The following CBLL1 variants were observed in gnomAD, a reference collection of about 807,000 sequenced individuals.
CBLL1 encodes E3 ubiquitin-protein ligase Hakai.
Under a neutral mutation model 44.9 loss-of-function variants are expected in CBLL1, and 4 were observed. That is an observed-to-expected ratio of 0.09 (90% confidence interval 0.04 to 0.20). The LOEUF (loss-of-function observed/expected upper bound fraction) is 0.20. CBLL1 is among the 10% of genes least tolerant of loss of function. The pLI, the probability that CBLL1 is intolerant of heterozygous loss-of-function variation, is 1.00. For missense variants in CBLL1, 569 were observed against 636.7 expected, an observed-to-expected ratio of 0.89 and a Z score of 1.14; for synonymous variants, 235 against 202.2, an observed-to-expected ratio of 1.16 and a Z score of -1.38.
chr7:107,744,487 C>T (rs1203013721), intron 1 of CBLL1: 1 of 389,168 alleles, frequency 2.6e-6, no homozygotes, highest in East Asian at 3.9e-5. Context: ...TTTATTTAGC[C>T]CAGCTGCTCT....
chr7:107,750,368 GGATCTCGGCTCACTGC>G (rs1793230159), intron 2 of CBLL1, among the ~76,000 whole-genome samples: 1 of 151,550 alleles, frequency 6.6e-6, no homozygotes, highest in Admixed American at 6.6e-5. Context: ...TGCAGTGGCG[GGATCTCGGCTCACTGC>G]AAGCTCTGCC....
intron 2 of CBLL1, 114 bp downstream of exon 2, chr7:107,749,161 C>T: frequency 1.2e-6 from 1 of 855,308 alleles, no homozygotes; most frequent in Non-Finnish European, 1.7e-6. Flanking sequence ...ATTCATTCTT[C>T]AACCTTCTTG....
At chr7:107,745,540 T>C (rs1004271063) in intron 1 of CBLL1, among the ~76,000 whole-genome samples, 1 of 152,164 alleles carries the variant, frequency 6.6e-6, no homozygotes, top group African/African-American at 2.4e-5. Flanking sequence ...TTTAAGTGAA[T>C]ATGAAGCCAT....
chr7:107,753,864 G>A (rs1294758405), intron 3 of CBLL1, 31 bp from the exon 4 acceptor site: 1 of 1,346,248 alleles, frequency 7.4e-7, no homozygotes, highest in Admixed American at 2.0e-5. Flanking sequence ...AATTGTGTAA[G>A]AAGGTAATTT....
chr7:107,746,092 T>G (rs1286964632), intron 1 of CBLL1, among the ~76,000 whole-genome samples: 1 of 152,196 alleles, frequency 6.6e-6, no homozygotes, highest in African/African-American at 2.4e-5. Flanking sequence ...TTCCAGTGTT[T>G]GGGAATTTAT....
At position 107,758,021 on chromosome 7, in the gene CBLL1, A is replaced by C; in HGVS notation, c.441-122A>C. Reference sequence around the variant, plus strand: ...TTGCGTAGAATAACTGTAACTTCTAATTGTGGACTTTTGCTATGTTTTATG... The same window carrying C: ...TTGCGTAGAATAACTGTAACTTCTACTTGTGGACTTTTGCTATGTTTTATG... On this transcript the variant is annotated intron_variant, in intron 5 of 5. Coordinates refer to ENST00000440859, the MANE Select transcript of CBLL1 (RefSeq NM_024814.4). This position sits in a 1 kb window ranked among gnomAD's most constrained non-coding sequence, Gnocchi z 4.2. The C allele has an allele frequency of 1.2e-6, 1 of 868,638 alleles. No individual in the cohort carries two copies. Among genetic ancestry groups the C allele is most frequent in the Non-Finnish European group, 1.7e-6 (1 of 579,630 alleles). 53.8% of individuals were successfully genotyped at this position (868,638 alleles called of 1,614,324 possible).
At chr7:107,745,782 A>C (rs1792984777) in intron 1 of CBLL1, among the ~76,000 whole-genome samples, 1 of 152,176 alleles carries the variant, frequency 6.6e-6, no homozygotes, top group South Asian at 2.1e-4. Context: ...TGGTTTGAGC[A>C]ACTAGGTAGG....
chr7:107,756,895 T>C (rs1023364351), intron 5 of CBLL1, among the ~76,000 whole-genome samples: 2 of 152,080 alleles, frequency 1.3e-5, no homozygotes, highest in African/African-American at 4.8e-5. Flanking sequence ...AGTGAAGAAA[T>C]GGCAGTCAGA....
At position 107,758,792 on chromosome 7, in the gene CBLL1, A is replaced by C. The variant is rs756618872; in HGVS notation, c.1090A>C (p.Thr364Pro). ...PMPHPPQAAG[T>P]PHLVYSQAPP... ...GCCACATCCTCCCCAGGCTGCAGGT[A>C]CTCCTCACTTGGTATATAGCCAAGC... Residue 364 changes from threonine to proline, a missense_variant, in exon 6 of 6, where the codon ACT (threonine) becomes CCT (proline). Physicochemically the swap from Thr to Pro is conservative, Grantham distance 38 (BLOSUM62 -1). This residue lies in a region of CBLL1 where 228 missense variants were observed against 253.2 expected (regional missense o/e 0.90). Coordinates refer to ENST00000440859, the MANE Select transcript of CBLL1 (RefSeq NM_024814.4). The surrounding 1 kb of genome is among the most constrained non-coding windows in gnomAD (Gnocchi z 4.2). The C allele has an allele frequency of 6.2e-7, 1 of 1,612,828 alleles. No homozygotes were observed. The highest frequency in any genetic ancestry group is 1.3e-5 in the African/African-American group (1 of 74,632).
At chr7:107,749,950 T>TTGTC (rs771644338) in intron 2 of CBLL1, among the ~76,000 whole-genome samples, 14 of 151,688 alleles carry the variant, frequency 9.2e-5, no homozygotes, top group Non-Finnish European at 1.9e-4. Flanking sequence ...TTTTGTTTGT[T>TTGTC]TGTTTGTTTG....
At position 107,755,863 on chromosome 7, in the gene CBLL1, C is replaced by T. The variant is rs573486904; in HGVS notation, c.440+372C>T. On this transcript the variant is annotated intron_variant, in intron 5 of 5. Transcript: ENST00000440859. ...TGCTATTTATTAGCTGTTTTACTGT[C>T]ATAGGCTATTCTTTATTGATAAAAT... Among the ~76,000 whole-genome samples, 8 of 152,188 alleles carry T rather than the reference C, an allele frequency of 5.3e-5. 1 individual carries two copies. Among genetic ancestry groups the T allele is most frequent in the African/African-American group, 1.9e-4 (8 of 41,528 alleles).
chr7:107,746,993 A>C (rs1050655486), intron 1 of CBLL1, among the ~76,000 whole-genome samples: 1 of 152,236 alleles, frequency 6.6e-6, no homozygotes, highest in Non-Finnish European at 1.5e-5. Flanking sequence ...ATTTATCTGA[A>C]GTGGCCAGTA....
At chr7:107,752,972 A>G (rs994401908) in intron 2 of CBLL1, among the ~76,000 whole-genome samples, 4 of 152,226 alleles carry the variant, frequency 2.6e-5, no homozygotes, top group Non-Finnish European at 5.9e-5. Context: ...GCTATTGGCA[A>G]TACAATCAGT....
At chr7:107,749,601 C>CTT (rs35477663) in intron 2 of CBLL1, among the ~76,000 whole-genome samples, 3 of 138,558 alleles carry the variant, frequency 2.2e-5, no homozygotes, top group East Asian at 2.1e-4. Flanking sequence ...CAGATTTGGC[C>CTT]TTTTTTTTTT....
chr7:107,746,338 G>A (rs189545544), intron 1 of CBLL1, among the ~76,000 whole-genome samples: 3 of 152,282 alleles, frequency 2.0e-5, no homozygotes, highest in East Asian at 3.9e-4. Context: ...ACTCACGAAT[G>A]AGCTGACCAC....
intron 2 of CBLL1, among the ~76,000 whole-genome samples, chr7:107,753,028 C>T (rs568989625): frequency 1.4e-4 from 21 of 152,222 alleles, no homozygotes; most frequent in African/African-American, 4.8e-4. Context: ...AAATGGTGAT[C>T]AATATCTTAA....
Position 107,748,979 on chromosome 7 carries a change from C to T in CBLL1, c.113C>T (p.Ala38Val), listed in dbSNP as rs139563602. ...CTCATCTCCAAACAAGCAAACAAAGCGAAACCTGCACCGCGAACTCAAAGA... is the reference window on the plus strand; with the variant it reads ...CTCATCTCCAAACAAGCAAACAAAGTGAAACCTGCACCGCGAACTCAAAGA... ...IKLISKQANK[A>V]KPAPRTQRTI... Residue 38 changes from alanine (A) to valine (V), a missense_variant, in exon 2 of 6, where the codon GCG (alanine) becomes GTG (valine). Physicochemically the swap from Ala to Val is moderately conservative, Grantham distance 64. Transcript: ENST00000440859. The T allele has an allele frequency of 3.7e-5, 59 of 1,614,010 alleles. No individual in the cohort carries two copies. Among genetic ancestry groups the T allele is most frequent in the Admixed American group, 1.7e-5 (1 of 60,004 alleles).
At chr7:107,747,753 A>G (rs1418932308) in intron 1 of CBLL1, among the ~76,000 whole-genome samples, 2 of 152,192 alleles carry the variant, frequency 1.3e-5, no homozygotes, top group Non-Finnish European at 2.9e-5. Flanking sequence ...GTGCAAATGA[A>G]TGTGAACTTA....
chr7:107,758,587 C>A lies in CBLL1; in HGVS notation c.885C>A (p.Val295=), dbSNP rs201726690. 6.2e-7 allele frequency: 1 copy of A among 1,614,056 alleles called. No individual in the cohort carries two copies. The highest frequency in any genetic ancestry group is 8.5e-7 in the Non-Finnish European group (1 of 1,180,000). ...GAAAACACAGCAATTTAATAACCGT[C>A]CCTATTCAGGATGACTCAAATTCAG... ...STRKHSNLIT[V]PIQDDSNSGA... Residue 295 remains valine (V), a synonymous_variant, in exon 6 of 6, where the codon GTC becomes GTA. Coordinates refer to ENST00000440859, the MANE Select transcript of CBLL1 (RefSeq NM_024814.4). The surrounding 1 kb of genome is among the most constrained non-coding windows in gnomAD (Gnocchi z 4.2).
Sources: allele counts gnomAD v4.1 joint callset (sites outside exome capture counted in the v4.1 genomes callset), GRCh38; gene constraint gnomAD v4.1.1; regional missense constraint gnomAD v4.1.1; non-coding constraint Gnocchi (gnomAD v3.1); transcripts MANE v1.5; gene names NCBI Gene and HGNC (gene_info 2026-07-23, HGNC 2026-07-21).